Variants in ABCA13 observed in about 807,000 individuals in gnomAD.
ABCA13 encodes the protein ATP binding cassette subfamily A member 13, also known as ATP-binding cassette sub-family A member 13.
ABCA13 carries 476 observed loss-of-function variants against 478.7 expected under a neutral mutation model. That is an observed-to-expected ratio of 0.99 (90% CI 0.92 to 1.07). The LOEUF is 1.07. Ranked by LOEUF, ABCA13 falls within the 50% of genes least tolerant of loss-of-function variation. The pLI is 0.00. For synonymous variants in ABCA13, 2,252 were observed against 2,158.9 expected (o/e 1.04, Z -1.20); for missense variants, 6,060 against 5,910.6 (o/e 1.03, Z -0.83).
At chr7:48,388,732 T>C (rs1271037692) in intron 36 of ABCA13, among the ~76,000 whole-genome samples, 1 of 152,256 alleles carries the variant, frequency 6.6e-6, no homozygotes, top group East Asian at 1.9e-4. Flanking sequence ...GAACATTTTA[T>C]GTGTAACTAA....
intron 3 of ABCA13, among the ~76,000 whole-genome samples, chr7:48,206,975 C>T (rs548301908): frequency 7.2e-5 from 11 of 152,214 alleles, no homozygotes; most frequent in African/African-American, 2.6e-4. Flanking sequence ...TCACCACTAC[C>T]CTTCTCAGCC....
chr7:48,608,920 A>T (rs1291084141), intron 58 of ABCA13, among the ~76,000 whole-genome samples: 2 of 151,674 alleles, frequency 1.3e-5, no homozygotes, highest in Non-Finnish European at 2.9e-5. Flanking sequence ...TCTTCATTTG[A>T]CCCTAGTTGG....
intron 59 of ABCA13, among the ~76,000 whole-genome samples, chr7:48,635,669 G>T (rs1194704501): frequency 2.0e-5 from 3 of 152,194 alleles, no homozygotes; most frequent in Admixed American, 6.5e-5. Context: ...AATGAGAGGG[G>T]AAGACAGCTC....
At chr7:48,293,192 G>GCCCCCCCCCCCCCCCCCCCA (rs367570188) in intron 20 of ABCA13, among the ~76,000 whole-genome samples, 1 of 108,280 alleles carries the variant, frequency 9.2e-6, no homozygotes, top group African/African-American at 3.0e-5. Context: ...GAAGTCTTCA[G>GCCCCCCCCCCCCCCCCCCCA]CCCCCCCCCC....
chr7:48,273,675 G>A lies in ABCA13; in HGVS notation c.4009G>A (p.Val1337Ile), dbSNP rs1424638816. The A allele has an allele frequency of 5.6e-6, 9 of 1,607,800 alleles. No homozygotes were observed. Among genetic ancestry groups the A allele is most frequent in the Non-Finnish European group, 7.6e-6 (9 of 1,176,654 alleles). Residue 1337 changes from valine to isoleucine, a missense_variant, in exon 17 of 62, where the codon GTA becomes ATA. Val to Ile is a conservative substitution (Grantham distance 29, BLOSUM62 3). Coordinates refer to ENST00000435803, the MANE Select transcript of ABCA13 (RefSeq NM_152701.5). ...AGAAGCAATAGTATTTCTTAGAAATGTATCACATGATCGAGATTTGTTTTC... is the reference window on the plus strand; with the variant it reads ...AGAAGCAATAGTATTTCTTAGAAATATATCACATGATCGAGATTTGTTTTC... ...LREAIVFLRN[V>I]SHDRDLFSCA...
intron 15 of ABCA13, among the ~76,000 whole-genome samples, chr7:48,261,042 A>G (rs1794108416): frequency 6.6e-6 from 1 of 151,928 alleles, no homozygotes; most frequent in African/African-American, 2.4e-5. Context: ...AGTTGGGCAT[A>G]AAAACATAAA....
intron 13 of ABCA13, among the ~76,000 whole-genome samples, chr7:48,247,164 G>A (rs1228137387): frequency 6.6e-6 from 1 of 152,074 alleles, no homozygotes; most frequent in Non-Finnish European, 1.5e-5. Flanking sequence ...CTTGAGCCCA[G>A]CAGGTCAAGG....
intron 55 of ABCA13, among the ~76,000 whole-genome samples, chr7:48,536,030 T>G (rs1426126702): frequency 6.6e-6 from 1 of 152,194 alleles, no homozygotes; most frequent in Non-Finnish European, 1.5e-5. Context: ...GGTCTGTGGA[T>G]TCTCTCAGCT....
intron 41 of ABCA13, among the ~76,000 whole-genome samples, chr7:48,424,998 T>C (rs1821215089): frequency 6.6e-6 from 1 of 152,224 alleles, no homozygotes; most frequent in Admixed American, 6.5e-5. Context: ...CTGATGGTCT[T>C]AGGCTTGCCT....
intron 55 of ABCA13, among the ~76,000 whole-genome samples, chr7:48,557,331 C>G (rs369334312): frequency 6.6e-6 from 1 of 152,066 alleles, no homozygotes; most frequent in Non-Finnish European, 1.5e-5. Context: ...TCATGAACAA[C>G]CTTTTCTTTC....
chr7:48,583,454 G>C (rs1481643578), intron 56 of ABCA13, among the ~76,000 whole-genome samples: 1 of 152,178 alleles, frequency 6.6e-6, no homozygotes, highest in Non-Finnish European at 1.5e-5. Context: ...TGGCTTTGGA[G>C]TCTGATAGAT....
chr7:48,260,764 C>G (rs1249243430), intron 15 of ABCA13, among the ~76,000 whole-genome samples: 1 of 151,900 alleles, frequency 6.6e-6, no homozygotes, highest in East Asian at 1.9e-4. Context: ...TCTTCATGCT[C>G]CATTTGTAGT....
intron 42 of ABCA13, among the ~76,000 whole-genome samples, chr7:48,443,458 C>T (rs1003592009): frequency 1.3e-5 from 2 of 152,194 alleles, no homozygotes; most frequent in Non-Finnish European, 2.9e-5. Flanking sequence ...TTTACACCAT[C>T]CCTCCTCTGG....
intron 56 of ABCA13, among the ~76,000 whole-genome samples, chr7:48,584,819 A>T (rs1428274005): frequency 1.3e-5 from 2 of 152,198 alleles, no homozygotes; most frequent in Non-Finnish European, 2.9e-5. Context: ...CAATCAGCTT[A>T]TGGTAAAATT....
intron 59 of ABCA13, among the ~76,000 whole-genome samples, chr7:48,618,237 G>A (rs1304774525): frequency 6.6e-6 from 1 of 152,148 alleles, no homozygotes; most frequent in East Asian, 1.9e-4. Context: ...ACTCTGCTCT[G>A]ATTCTCTTCC....
chr7:48,338,229 T>C (rs1051142105), intron 28 of ABCA13, 136 bp from the exon 29 acceptor site: 4 of 537,760 alleles, frequency 7.4e-6, no homozygotes, highest in Non-Finnish European at 1.2e-5. Context: ...TTGTGGTGTT[T>C]TAAAACTTCT....
chr7:48,349,802 A>G (rs1808673289), intron 29 of ABCA13, among the ~76,000 whole-genome samples: 1 of 152,198 alleles, frequency 6.6e-6, no homozygotes, highest in East Asian at 1.9e-4. Flanking sequence ...AGCTCACATC[A>G]TTTGGAAAGT....
chr7:48,493,340 G>T (rs891682771), intron 48 of ABCA13, among the ~76,000 whole-genome samples: 1 of 151,876 alleles, frequency 6.6e-6, no homozygotes, highest in African/African-American at 2.4e-5. Context: ...TGCTTCTTTC[G>T]TTATTAGGAC....
intron 48 of ABCA13, among the ~76,000 whole-genome samples, chr7:48,492,565 G>A (rs969161327): frequency 6.6e-6 from 1 of 152,188 alleles, no homozygotes; most frequent in African/African-American, 2.4e-5. Context: ...CAGTGTAACA[G>A]TGTTGGGAGG....
Sources: allele counts gnomAD v4.1 joint callset (sites outside exome capture counted in the v4.1 genomes callset), GRCh38; gene constraint gnomAD v4.1.1; transcripts MANE v1.5; gene names NCBI Gene and HGNC (gene_info 2026-07-23, HGNC 2026-07-21).